The following LDLRAD3 variants were observed in gnomAD, a reference collection of about 807,000 sequenced individuals.
The protein encoded by LDLRAD3 is low-density lipoprotein receptor class A domain-containing protein 3.
A neutral mutation model predicts 29.4 loss-of-function variants in LDLRAD3; 20 were observed. That is an observed-to-expected ratio of 0.68 (90% CI 0.48 to 0.99). The LOEUF (loss-of-function observed/expected upper bound fraction) is 0.99, where lower values mean the gene tolerates loss of function less well. Ranked by LOEUF, LDLRAD3 falls within the 50% of genes least tolerant of loss-of-function variation. LDLRAD3 has a pLI of 0.00. For synonymous variants in LDLRAD3, 157 were observed against 192.7 expected (o/e 0.81, Z 1.53); for missense variants, 420 against 454.3 (o/e 0.92, Z 0.69).
At chr11:36,014,916 C>T (rs530289798) in intron 1 of LDLRAD3, among the ~76,000 whole-genome samples, 13 of 152,174 alleles carry the variant, frequency 8.5e-5, no homozygotes, top group Non-Finnish European at 1.5e-4. Context: ...AGCCCCCAGA[C>T]GAACCATGTG....
At chr11:36,036,826 C>A (rs1031250288) in intron 2 of LDLRAD3, among the ~76,000 whole-genome samples, 2 of 152,182 alleles carry the variant, frequency 1.3e-5, no homozygotes, top group Non-Finnish European at 2.9e-5. Flanking sequence ...TTCTAATGGG[C>A]ACCACCAGGA....
intron 4 of LDLRAD3, among the ~76,000 whole-genome samples, chr11:36,190,123 AG>A (rs1854919706): frequency 1.3e-5 from 2 of 152,148 alleles, no homozygotes; most frequent in East Asian, 1.9e-4. Context: ...GGAGGGAAAC[AG>A]GCTATATCAA....
intron 1 of LDLRAD3, among the ~76,000 whole-genome samples, chr11:35,969,935 G>A (rs1590694201): frequency 6.6e-6 from 1 of 152,166 alleles, no homozygotes; most frequent in Non-Finnish European, 1.5e-5. Flanking sequence ...TAGCCATGAG[G>A]ATACCGGCTT....
chr11:36,077,743 A>C lies in LDLRAD3; in HGVS notation c.194-3910A>C, dbSNP rs60456785. ...CAGAGCCCTAAAGAGTGTATCACAA[A>C]CCTGGCTTGGGGTTGCTCCTAGGTC... On this transcript the variant is annotated intron_variant, in intron 2 of 5. Coordinates refer to ENST00000315571, the MANE Select transcript of LDLRAD3 (RefSeq NM_174902.4). Among the ~76,000 whole-genome samples the C allele has an allele frequency of 8.1e-3, 1,227 of 152,176 alleles. 15 individuals are homozygous for C. Among genetic ancestry groups the C allele is most frequent in the African/African-American group, 0.029 (1,184 of 41,518 alleles).
intron 4 of LDLRAD3, among the ~76,000 whole-genome samples, chr11:36,145,093 T>A (rs1194442417): frequency 1.1e-5 from 1 of 87,408 alleles, no homozygotes. Flanking sequence ...AGCCGCCCCG[T>A]CCGGGAGGGA....
chr11:36,021,783 C>G (rs1411440134), intron 1 of LDLRAD3, among the ~76,000 whole-genome samples: 2 of 152,186 alleles, frequency 1.3e-5, no homozygotes, highest in Admixed American at 6.5e-5. Context: ...CTGTGACTTA[C>G]AGGCACATGC....
chr11:35,946,002 G>A (rs1199499581), intron 1 of LDLRAD3, among the ~76,000 whole-genome samples: 1 of 152,192 alleles, frequency 6.6e-6, no homozygotes. Flanking sequence ...TACCTTTAGA[G>A]TTGCTGCCTT....
In LDLRAD3 at chr11:35,944,613, G is replaced by T. The variant is rs560841042; in HGVS notation, c.46+469G>T. Among the ~76,000 whole-genome samples, 1 of 152,260 alleles carries T rather than the reference G, an allele frequency of 6.6e-6. No homozygotes were observed. Among genetic ancestry groups the T allele is most frequent in the East Asian group, 1.9e-4 (1 of 5,138 alleles). On this transcript the variant is annotated intron_variant, in intron 1 of 5. Transcript: ENST00000315571. This position sits in a 1 kb window ranked among gnomAD's most constrained non-coding sequence, Gnocchi z 4.9. ...CCCGAGTCTCTGGCGTGCACTCCGT[G>T]CCTCAGTTTCCCCACCTGCACCGCG...
Position 36,035,319 on chromosome 11 carries a change from T to C in LDLRAD3, c.47-784T>C, listed in dbSNP as rs183714629. Among the ~76,000 whole-genome samples the C allele has an allele frequency of 3.7e-3, 562 of 152,184 alleles. 2 individuals carry two copies. Among genetic ancestry groups the C allele is most frequent in the African/African-American group, 0.013 (543 of 41,496 alleles). On this transcript the variant is annotated intron_variant, in intron 1 of 5. Coordinates refer to ENST00000315571, the MANE Select transcript of LDLRAD3 (RefSeq NM_174902.4). Reference sequence around the variant, plus strand: ...AAAATCTCCCCCCAGGGTCTACTGGTAGATGAACTCAGCACCCTGCCCACC... The same window carrying C: ...AAAATCTCCCCCCAGGGTCTACTGGCAGATGAACTCAGCACCCTGCCCACC...
intron 4 of LDLRAD3, among the ~76,000 whole-genome samples, chr11:36,215,007 G>C (rs1855332531): frequency 2.0e-5 from 3 of 152,198 alleles, no homozygotes; most frequent in Admixed American, 2.0e-4. Context: ...ATGACAGGCA[G>C]TAACAGTGCT....
intron 4 of LDLRAD3, among the ~76,000 whole-genome samples, chr11:36,214,608 A>G (rs2133384144): frequency 6.6e-6 from 1 of 152,318 alleles, no homozygotes; most frequent in South Asian, 2.1e-4. Flanking sequence ...AAAACAGATC[A>G]CCGGGAAAAC....
rs745429372 is a variant in LDLRAD3 at position 36,227,090 on chromosome 11, G to A, written c.460G>A (p.Gly154Ser). ...EESCESSQEP[G>S]SGQVFVTSEN... ...TCCTCTCTTGGGTTTCTCAGAACCC[G>A]GCAGTGGGCAGGTGTTTGTGACTTC... The change falls in exon 5 of 6, where the codon GGC becomes AGC. Residue 154 changes from glycine to serine, a missense_variant. Around this residue, in one of 3 missense-constraint regions of LDLRAD3, gnomAD observed 224 missense variants for 222.2 expected, o/e 1.01. Transcript: ENST00000315571. 1.0e-5 allele frequency: 16 copies of A among 1,584,626 alleles called. No homozygotes were observed. The highest frequency in any genetic ancestry group is 4.5e-5 in the East Asian group (2 of 44,148).
intron 4 of LDLRAD3, among the ~76,000 whole-genome samples, chr11:36,184,483 T>A (rs184356133): frequency 6.6e-6 from 1 of 152,238 alleles, no homozygotes; most frequent in Non-Finnish European, 1.5e-5. Context: ...GTACTTAGTA[T>A]TTTTGACTGT....
chr11:36,190,180 A>G (rs1854920188), intron 4 of LDLRAD3, among the ~76,000 whole-genome samples: 1 of 152,208 alleles, frequency 6.6e-6, no homozygotes, highest in African/African-American at 2.4e-5. Flanking sequence ...GACTGAAGAT[A>G]CAGAATCCTT....
intron 4 of LDLRAD3, among the ~76,000 whole-genome samples, chr11:36,165,487 A>T (rs989311596): frequency 3.7e-4 from 56 of 152,234 alleles, no homozygotes; most frequent in African/African-American, 1.3e-3. Flanking sequence ...ACACCCCCAC[A>T]AGCAATTTGA....
intron 1 of LDLRAD3, among the ~76,000 whole-genome samples, chr11:35,982,109 C>G (rs893643245): frequency 6.6e-6 from 1 of 152,092 alleles, no homozygotes; most frequent in African/African-American, 2.4e-5. Context: ...GTAGCAAGAC[C>G]GAGTGGCTTA....
In LDLRAD3 at chr11:36,166,858, C is replaced by T. The variant is rs765877127; in HGVS notation, c.455-60227C>T. ...TGTCTGTCAAATTCCCAGGAGATGC[C>T]GCTGCTGCTGATCCAAGCACCATTT... On this transcript the variant is annotated intron_variant, in intron 4 of 5. Transcript: ENST00000315571. Among the ~76,000 whole-genome samples, 5 of 152,222 alleles carry T rather than the reference C, an allele frequency of 3.3e-5. No homozygotes were observed. In the East Asian group the frequency reaches 5.8e-4, roughly 18 times the overall value.
At chr11:36,110,794 A>G (rs1853594948) in intron 4 of LDLRAD3, among the ~76,000 whole-genome samples, 1 of 152,234 alleles carries the variant, frequency 6.6e-6, no homozygotes, top group African/African-American at 2.4e-5. Flanking sequence ...AGTGTGATAA[A>G]TGCTGTAATA....
At chr11:35,957,132 CACAT>C (rs1234303972) in intron 1 of LDLRAD3, among the ~76,000 whole-genome samples, 6 of 152,214 alleles carry the variant, frequency 3.9e-5, no homozygotes, top group Non-Finnish European at 7.3e-5. Context: ...AAGGTAGAAA[CACAT>C]AACATACAGT....
Sources: gnomAD v4.1 joint callset for allele counts (sites outside exome capture counted in the v4.1 genomes callset) on GRCh38, gnomAD v4.1.1 for gene constraint, gnomAD v4.1.1 regional missense constraint, Gnocchi (gnomAD v3.1) non-coding constraint, MANE v1.5 for transcripts, NCBI Gene and HGNC (gene_info 2026-07-23, HGNC 2026-07-21) for gene names.